The following DLC1 variants were observed in gnomAD, a reference collection of about 807,000 sequenced individuals.
DLC1 encodes the protein rho GTPase-activating protein 7.
Under a neutral mutation model 140.3 loss-of-function variants are expected in DLC1, and 54 were observed. The ratio of observed to expected loss-of-function variants is 0.38; its 90% confidence interval spans 0.31 to 0.48. The LOEUF is 0.48. Among genes scored for constraint, DLC1 ranks in the 20% least tolerant of loss-of-function variants. The pLI is 0.96. For synonymous variants in DLC1, 986 were observed against 728.1 expected, an observed-to-expected ratio of 1.35 and a Z score of -5.70; for missense variants, 2,536 against 1,907.0, an observed-to-expected ratio of 1.33 and a Z score of -6.14.
chr8:13,362,243 C>G (rs1325357961), intron 4 of DLC1, among the ~76,000 whole-genome samples: 1 of 152,114 alleles, frequency 6.6e-6, no homozygotes, highest in Non-Finnish European at 1.5e-5. Flanking sequence ...GGAAGCTGAG[C>G]AATACAGCTT....
intron 5 of DLC1, among the ~76,000 whole-genome samples, chr8:13,138,317 T>C (rs903307360): frequency 6.6e-6 from 1 of 152,230 alleles, no homozygotes; most frequent in African/African-American, 2.4e-5. Flanking sequence ...AGAACCCCTA[T>C]AATTTTATAT....
At chr8:13,589,933 C>G (rs984448795) in intron 1 of DLC1, among the ~76,000 whole-genome samples, 1 of 151,730 alleles carries the variant, frequency 6.6e-6, no homozygotes. Context: ...TTCACAGCTG[C>G]TATCTGTGTA....
At position 13,098,523 on chromosome 8, in the gene DLC1, A is replaced by G; in HGVS notation, c.3043T>C (p.Ser1015Pro). Residue 1015 changes from serine (S) to proline (P), a missense_variant, in exon 10 of 18, where the codon TCT becomes CCT. Coordinates refer to ENST00000276297, the MANE Select transcript of DLC1 (RefSeq NM_182643.3). ...FQSSHRPSLN[S>P]VSLQINCQSV... ...TGGCAGTTAATCTGTAGTGATACAG[A>G]GTTGAGGCTTGGCCGATGTGAGCTC... The G allele has an allele frequency of 1.9e-6, 3 of 1,614,170 alleles. No homozygotes were observed. The highest frequency in any genetic ancestry group is 2.5e-6 in the Non-Finnish European group (3 of 1,180,002).
At chr8:13,538,777 G>A (rs1281676713) in intron 1 of DLC1, among the ~76,000 whole-genome samples, 2 of 152,196 alleles carry the variant, frequency 1.3e-5, no homozygotes, top group Non-Finnish European at 2.9e-5. Flanking sequence ...AGCTCAGACT[G>A]CTGACTCCAA....
chr8:13,296,614 C>T (rs892347500), intron 5 of DLC1, among the ~76,000 whole-genome samples: 2 of 152,198 alleles, frequency 1.3e-5, no homozygotes, highest in African/African-American at 2.4e-5. Flanking sequence ...GTTGTTTCAT[C>T]TACCAAATAA....
chr8:13,502,389 A>G (rs78682009), intron 1 of DLC1, among the ~76,000 whole-genome samples: 157 of 152,290 alleles, frequency 1.0e-3, no homozygotes, highest in African/African-American at 3.6e-3. Flanking sequence ...CTCAATTTTC[A>G]TAACGATCAT....
intron 2 of DLC1, among the ~76,000 whole-genome samples, chr8:13,413,830 T>G (rs992804517): frequency 6.6e-6 from 1 of 152,112 alleles, no homozygotes; most frequent in Non-Finnish European, 1.5e-5. Flanking sequence ...CTGAGTCAGT[T>G]AAAGCCCCTT....
At chr8:13,233,597 A>G (rs1354199578) in intron 5 of DLC1, among the ~76,000 whole-genome samples, 1 of 152,194 alleles carries the variant, frequency 6.6e-6, no homozygotes, top group Non-Finnish European at 1.5e-5. Context: ...ATAAGAATGT[A>G]CTCCAGAGAA....
chr8:13,482,904 T>G (rs1800800183), intron 2 of DLC1, among the ~76,000 whole-genome samples: 1 of 152,180 alleles, frequency 6.6e-6, no homozygotes, highest in Non-Finnish European at 1.5e-5. Flanking sequence ...TTCAAGGAAT[T>G]TACAGTTTGA....
chr8:13,086,592 G>A (rs939085670), intron 16 of DLC1, 129 bp from the exon 17 acceptor site: 5 of 1,029,398 alleles, frequency 4.9e-6, no homozygotes, highest in East Asian at 2.6e-5. Context: ...TGTGACCCAG[G>A]CCTAGGTAAA....
rs75549117 is a variant in DLC1, at chr8:13,218,644, T to G, written c.1348+86625A>C. ...AAAATCACAAGTATTGGTGAGGAGG[T>G]AGAGAAACTGGTTCACGCATTGCTA... On this transcript the variant is annotated intron_variant, in intron 5 of 17. Coordinates refer to ENST00000276297, the MANE Select transcript of DLC1 (RefSeq NM_182643.3). 4.8e-3 allele frequency among the ~76,000 whole-genome samples: 721 copies of G among 151,312 alleles called. 4 individuals carry two copies. The highest frequency in any genetic ancestry group is 0.016 in the African/African-American group (671 of 41,226).
chr8:13,576,889 C>T (rs902004877), intron 1 of DLC1, among the ~76,000 whole-genome samples: 2 of 152,104 alleles, frequency 1.3e-5, no homozygotes, highest in South Asian at 2.1e-4. Flanking sequence ...TAAGGCCAAG[C>T]GTGGCTGTTG....
chr8:13,306,724 C>A (rs944024242), intron 4 of DLC1, among the ~76,000 whole-genome samples: 1 of 151,964 alleles, frequency 6.6e-6, no homozygotes, highest in African/African-American at 2.4e-5. Context: ...GAGATCTTCA[C>A]CTTTGGGATT....
At chr8:13,114,038 CAT>C in intron 6 of DLC1, among the ~76,000 whole-genome samples, 1 of 152,184 alleles carries the variant, frequency 6.6e-6, no homozygotes, top group South Asian at 2.1e-4. Flanking sequence ...AAATTGACTT[CAT>C]ATAGAGTATA....
chr8:13,160,284 T>TA (rs1002500399), intron 5 of DLC1: 1 of 152,076 alleles, frequency 6.6e-6, no homozygotes, highest in Non-Finnish European at 1.5e-5. Context: ...CCTAAAAAAA[T>TA]AAAAAAATTA....
intron 4 of DLC1, among the ~76,000 whole-genome samples, chr8:13,317,910 A>G (rs1832921121): frequency 6.6e-6 from 1 of 152,210 alleles, no homozygotes; most frequent in Non-Finnish European, 1.5e-5. Context: ...CTTCTGTGAC[A>G]TGGGGGAATA....
intron 5 of DLC1, among the ~76,000 whole-genome samples, chr8:13,299,338 C>T (rs1832089928): frequency 6.6e-6 from 1 of 151,464 alleles, no homozygotes; most frequent in South Asian, 2.1e-4. Flanking sequence ...ATCCCAGCTA[C>T]TTGGGAGGCT....
At chr8:13,101,229 A>T (rs2128938373) in intron 8 of DLC1, among the ~76,000 whole-genome samples, 1 of 152,328 alleles carries the variant, frequency 6.6e-6, no homozygotes, top group African/African-American at 2.4e-5. Context: ...TGTTCTTTAA[A>T]TAACAAAGAT....
chr8:13,107,286 T>G (rs189033502), intron 7 of DLC1, among the ~76,000 whole-genome samples: 28 of 152,336 alleles, frequency 1.8e-4, no homozygotes, highest in Admixed American at 1.4e-3. Context: ...AAGAAGCTCC[T>G]ACTTACTTCT....
Sources: allele counts gnomAD v4.1 joint callset (sites outside exome capture counted in the v4.1 genomes callset), GRCh38; gene constraint gnomAD v4.1.1; transcripts MANE v1.5; gene names NCBI Gene and HGNC (gene_info 2026-07-23, HGNC 2026-07-21).